Variants in B3GAT2 observed in about 807,000 individuals in gnomAD.
The protein encoded by B3GAT2 is galactosylgalactosylxylosylprotein 3-beta-glucuronosyltransferase 2.
B3GAT2 carries 26 observed loss-of-function variants against 27.8 expected under a neutral mutation model. The ratio of observed to expected loss-of-function variants is 0.93; its 90% CI spans 0.68 to 1.30. The LOEUF is 1.30. Ranked by LOEUF, B3GAT2 falls within the 50% of genes most tolerant of loss-of-function variation. The pLI, the probability that B3GAT2 is intolerant of heterozygous loss-of-function variation, is 0.00. For missense variants in B3GAT2, 458 were observed against 459.0 expected (o/e 1.00, Z 0.02); for synonymous variants, 218 against 195.1 (o/e 1.12, Z -0.98).
intron 2 of B3GAT2, among the ~76,000 whole-genome samples, chr6:70,868,035 T>TA (rs575388192): frequency 1.2e-3 from 179 of 145,984 alleles, no homozygotes; most frequent in African/African-American, 2.9e-3. Context: ...ATTAGCAGAC[T>TA]AAAAAAAAAA....
Position 70,956,987 on chromosome 6 carries a change from T to G in B3GAT2, c.-558A>C, listed in dbSNP as rs558081233. 8 of 997,032 alleles carry G rather than the reference T, an allele frequency of 8.0e-6. No individual in the cohort carries two copies. The South Asian group carries it at 2.7e-4, about 33-fold the overall frequency. 61.8% of individuals were successfully genotyped at this position (997,032 alleles called of 1,614,324 possible). A position where few individuals can be genotyped will look rare whatever the true frequency, so the allele number is the denominator to read the frequency against. On this transcript the variant is annotated 5_prime_UTR_variant, in exon 1 of 4. Transcript: ENST00000230053. ...CGCTGGGGGTTGTGTCCCGGCTGTG[T>G]TCGCGCGCCGCAGCGGAAGCCTGCT...
chr6:70,900,454 G>A (rs1772479412), intron 1 of B3GAT2, among the ~76,000 whole-genome samples: 1 of 151,802 alleles, frequency 6.6e-6, no homozygotes, highest in Non-Finnish European at 1.5e-5. Flanking sequence ...ACCCAGGCTG[G>A]AAGTACTCAC....
intron 1 of B3GAT2, among the ~76,000 whole-genome samples, chr6:70,896,518 G>A (rs1772389669): frequency 1.3e-5 from 2 of 152,124 alleles, no homozygotes; most frequent in South Asian, 4.1e-4. Context: ...AAATTTCCTT[G>A]TGCTTTTAAT....
At chr6:70,894,079 G>A (rs762516462) in intron 2 of B3GAT2, 49 bp downstream of exon 2, 33 of 1,497,806 alleles carry the variant, frequency 2.2e-5, no homozygotes, top group Middle Eastern at 1.8e-4. Context: ...ATAAACAAGA[G>A]CATAAGAACA....
chr6:70,913,054 C>T (rs1772713571), intron 1 of B3GAT2, among the ~76,000 whole-genome samples: 1 of 151,982 alleles, frequency 6.6e-6, no homozygotes, highest in East Asian at 1.9e-4. Context: ...TTTGGATCTG[C>T]TCTGTTTTTT....
rs539449798 is a variant in B3GAT2, at chr6:70,860,546, G to T, written c.*1117C>A. 42 of 490,754 alleles carry T rather than the reference G, an allele frequency of 8.6e-5. No homozygotes were observed. The highest frequency in any genetic ancestry group is 7.3e-4 in the African/African-American group (37 of 50,524). The allele number at this position is 490,754 out of a possible 1,614,324, so 30.4% of individuals were successfully genotyped here. A position where few individuals can be genotyped will look rare whatever the true frequency, so the allele number is the denominator to read the frequency against. On this transcript the variant is annotated 3_prime_UTR_variant, in exon 4 of 4. Coordinates refer to ENST00000230053, the MANE Select transcript of B3GAT2 (RefSeq NM_080742.3). The stretch of plus-strand genomic sequence containing the variant: ...ATCATTTTATGTCAAGGGCAGCTTT[G>T]CTCATATTTCCCATGATTTCATGTA...
intron 1 of B3GAT2, among the ~76,000 whole-genome samples, chr6:70,934,653 T>C (rs1458722009): frequency 6.6e-6 from 1 of 152,174 alleles, no homozygotes; most frequent in South Asian, 2.1e-4. Flanking sequence ...CAGATCACCA[T>C]GTAATTTTTG....
At chr6:70,881,574 C>T (rs2460698) in intron 2 of B3GAT2, among the ~76,000 whole-genome samples, 1 of 151,940 alleles carries the variant, frequency 6.6e-6, no homozygotes, top group Non-Finnish European at 1.5e-5. Flanking sequence ...ACTTCAGAGG[C>T]GGCTTCACCA....
At chr6:70,914,781 G>T (rs1178946382) in intron 1 of B3GAT2, among the ~76,000 whole-genome samples, 4 of 151,486 alleles carry the variant, frequency 2.6e-5, no homozygotes, top group African/African-American at 9.7e-5. Flanking sequence ...ACCAGACATA[G>T]AATACTATAT....
chr6:70,911,913 T>C (rs1356051522), intron 1 of B3GAT2, among the ~76,000 whole-genome samples: 1 of 152,192 alleles, frequency 6.6e-6, no homozygotes, highest in Non-Finnish European at 1.5e-5. Context: ...GTGGCTATTA[T>C]GAATGGGATT....
intron 1 of B3GAT2, among the ~76,000 whole-genome samples, chr6:70,903,027 A>C (rs941962574): frequency 2.0e-5 from 3 of 152,132 alleles, no homozygotes; most frequent in African/African-American, 7.2e-5. Flanking sequence ...ACAGATTTTT[A>C]AGTGTTCTTA....
rs1366191055 is a variant in B3GAT2, at chr6:70,873,185, TAGC to T, written c.737-11210_737-11208del. Among the ~76,000 whole-genome samples the T allele has an allele frequency of 2.6e-5, 4 of 151,892 alleles. No homozygotes were observed. The East Asian group carries it at 7.7e-4, about 29-fold the overall frequency. Reference sequence around the variant, plus strand: ...GTTCATGTGGATTACAGTTCCCGTCTAGCATCCTTTCACTTTTGCCTAAAGGAC... The same window carrying T: ...GTTCATGTGGATTACAGTTCCCGTCTATCCTTTCACTTTTGCCTAAAGGAC... On this transcript the variant is annotated intron_variant, in intron 2 of 3. Coordinates refer to ENST00000230053, the MANE Select transcript of B3GAT2 (RefSeq NM_080742.3).
intron 1 of B3GAT2, among the ~76,000 whole-genome samples, chr6:70,901,312 G>A (rs983224057): frequency 6.6e-6 from 1 of 152,164 alleles, no homozygotes; most frequent in Admixed American, 6.5e-5. Context: ...TGATGGGAAT[G>A]ACACTTAACC....
In B3GAT2 at chr6:70,927,396, G is replaced by A. The variant is rs546984577; in HGVS notation, c.591+28443C>T. On this transcript the variant is annotated intron_variant, in intron 1 of 3. Coordinates refer to ENST00000230053, the MANE Select transcript of B3GAT2 (RefSeq NM_080742.3). ...CACAGACTGGCAAATTGGATAAAGA[G>A]TCAAGACCCATCAGTGTGCTGTATT... Among the ~76,000 whole-genome samples the A allele has an allele frequency of 2.6e-5, 4 of 152,242 alleles. No homozygotes were observed. The East Asian group carries it at 7.7e-4, about 29-fold the overall frequency.
chr6:70,883,263 T>A (rs1272921625), intron 2 of B3GAT2, among the ~76,000 whole-genome samples: 1 of 152,162 alleles, frequency 6.6e-6, no homozygotes, highest in African/African-American at 2.4e-5. Flanking sequence ...CGAACAGATA[T>A]CTGTGCACCA....
chr6:70,881,520 C>T (rs1445897083), intron 2 of B3GAT2, among the ~76,000 whole-genome samples: 3 of 152,134 alleles, frequency 2.0e-5, no homozygotes, highest in Non-Finnish European at 2.9e-5. Context: ...CCACTTTGAG[C>T]GGTTTCCACA....
intron 2 of B3GAT2, among the ~76,000 whole-genome samples, chr6:70,868,280 T>G (rs1054359331): frequency 3.9e-5 from 6 of 152,144 alleles, no homozygotes; most frequent in African/African-American, 1.4e-4. Context: ...TGACTTTTAT[T>G]CAACAAAGTC....
At chr6:70,927,663 C>A (rs910462529) in intron 1 of B3GAT2, among the ~76,000 whole-genome samples, 2 of 152,096 alleles carry the variant, frequency 1.3e-5, no homozygotes, top group African/African-American at 2.4e-5. Context: ...ACAGGAGCAC[C>A]CAGATCCATA....
At position 70,857,179 on chromosome 6, in the gene B3GAT2, T is replaced by G. The variant is rs1408328688; in HGVS notation, c.*4484A>C. 2.9e-6 allele frequency: 2 copies of G among 701,654 alleles called. No homozygotes were observed. The highest frequency in any genetic ancestry group is 3.6e-5 in the Admixed American group (1 of 27,808). 43.5% of individuals were successfully genotyped at this position (701,654 alleles called of 1,614,324 possible). On this transcript the variant is annotated 3_prime_UTR_variant, in exon 4 of 4. Transcript: ENST00000230053. ...TATACAACTATGAAGCCGAAATGAA[T>G]GAGCATTAGAATTAAAAAATTAAGA... is the stretch of plus-strand genomic sequence containing the variant.
Sources: gnomAD v4.1 joint callset for allele counts (sites outside exome capture counted in the v4.1 genomes callset) on GRCh38, gnomAD v4.1.1 for gene constraint, MANE v1.5 for transcripts, NCBI Gene and HGNC (gene_info 2026-07-23, HGNC 2026-07-21) for gene names.